WAC: variants seen among roughly 807,000 people sequenced by gnomAD.
WAC encodes the protein WW domain containing adaptor with coiled-coil.
WAC carries 11 observed loss-of-function variants against 79.6 expected under a neutral mutation model. The ratio of observed to expected loss-of-function variants is 0.14; its 90% CI spans 0.09 to 0.23. WAC has a LOEUF of 0.23. WAC is among the 10% of genes least tolerant of loss of function. The pLI is 1.00. For synonymous variants in WAC, 304 were observed against 276.9 expected, an observed-to-expected ratio of 1.10 and a Z score of -0.97; for missense variants, 728 against 773.5, an observed-to-expected ratio of 0.94 and a Z score of 0.70.
At chr10:28,540,215 A>G (rs951281853) in intron 3 of WAC, among the ~76,000 whole-genome samples, 3 of 152,220 alleles carry the variant, frequency 2.0e-5, no homozygotes, top group Non-Finnish European at 4.4e-5. Context: ...AACAGATAGT[A>G]TCCTTATTTC....
chr10:28,533,858 G>A, intron 1 of WAC, 140 bp from the exon 2 acceptor site: 2 of 1,144,128 alleles, frequency 1.7e-6, no homozygotes, highest in South Asian at 1.4e-5. Flanking sequence ...CCGGGTTTGT[G>A]CCGTGTGCGT....
At chr10:28,575,063 A>G (rs999193544) in intron 3 of WAC, among the ~76,000 whole-genome samples, 9 of 152,168 alleles carry the variant, frequency 5.9e-5, no homozygotes, top group Admixed American at 4.6e-4. Flanking sequence ...TATTATTAGT[A>G]TTTTGTATAT....
intron 8 of WAC, among the ~76,000 whole-genome samples, chr10:28,610,311 A>G (rs984890328): frequency 6.6e-6 from 1 of 152,096 alleles, no homozygotes; most frequent in African/African-American, 2.4e-5. Context: ...TAAAAGGGCA[A>G]TCACATGAAA....
chr10:28,583,311 AAAT>A, intron 3 of WAC, 85 bp from the exon 4 acceptor site: 4 of 954,244 alleles, frequency 4.2e-6, no homozygotes, highest in Non-Finnish European at 6.1e-6. Flanking sequence ...TAGAGATATA[AAAT>A]AATATCTAGT....
chr10:28,535,971 G>A, intron 3 of WAC: 1 of 386,676 alleles, frequency 2.6e-6, no homozygotes, highest in Non-Finnish European at 4.5e-6. Flanking sequence ...GGCCAGGCGC[G>A]GTGGCTCACG....
chr10:28,594,030 C>T (rs1352754723), intron 6 of WAC, among the ~76,000 whole-genome samples: 2 of 152,156 alleles, frequency 1.3e-5, no homozygotes, highest in African/African-American at 4.8e-5. Context: ...CCTCCCCTCT[C>T]TCCAGTCAGG....
At chr10:28,552,133 A>G (rs552254724) in intron 3 of WAC, among the ~76,000 whole-genome samples, 32 of 152,254 alleles carry the variant, frequency 2.1e-4, no homozygotes, top group Admixed American at 1.9e-3. Flanking sequence ...GTGTATTGTA[A>G]TAATGTTTAC....
At chr10:28,559,496 A>G (rs572821130) in intron 3 of WAC, among the ~76,000 whole-genome samples, 1 of 152,288 alleles carries the variant, frequency 6.6e-6, no homozygotes, top group South Asian at 2.1e-4. Context: ...CAAAATTAAT[A>G]TAGAGATTTC....
chr10:28,547,735 A>C (rs2132398194), intron 3 of WAC, among the ~76,000 whole-genome samples: 2 of 152,044 alleles, frequency 1.3e-5, no homozygotes, highest in South Asian at 4.1e-4. Flanking sequence ...ATAGATACCC[A>C]TTGGGATGTA....
intron 7 of WAC, among the ~76,000 whole-genome samples, chr10:28,605,928 T>A (rs539265553): frequency 3.3e-5 from 5 of 152,208 alleles, no homozygotes; most frequent in Non-Finnish European, 7.3e-5. Context: ...TCATTATTAA[T>A]ATTAATCAGG....
In WAC at chr10:28,617,683, T is replaced by C; in HGVS notation, c.1773T>C (p.His591=). 1 of 1,586,644 alleles carries C rather than the reference T, an allele frequency of 6.3e-7. No individual in the cohort carries two copies. Among genetic ancestry groups the C allele is most frequent in the Admixed American group, 1.9e-5 (1 of 53,646 alleles). The change falls in exon 13 of 14, where the codon CAT becomes CAC. Residue 591 remains histidine (H), a synonymous_variant. Coordinates refer to ENST00000354911, the MANE Select transcript of WAC (RefSeq NM_016628.5). The part of the protein sequence containing the change: ...KQASRLREEA[H]NMGTIHMSEI... ...CATCAAGATTACGCGAAGAAGCGCA[T>C]AACATGGGAACTATTCACATGTCCG...
At chr10:28,603,979 ATATATATATGTATATATATATAT>A (rs1840792349) in intron 7 of WAC, among the ~76,000 whole-genome samples, 1 of 66,726 alleles carries the variant, frequency 1.5e-5, no homozygotes, top group African/African-American at 6.5e-5. Flanking sequence ...ATATATATAT[ATATATATATGTATATATATATAT>A]ATTTCTATAC....
intron 2 of WAC, chr10:28,534,314 G>T: frequency 2.6e-6 from 1 of 385,148 alleles, no homozygotes; most frequent in Non-Finnish European, 4.6e-6. Context: ...TTGATTATTT[G>T]CGAGTGAAGG....
chr10:28,554,859 A>G (rs771905616), intron 3 of WAC, among the ~76,000 whole-genome samples: 15 of 152,130 alleles, frequency 9.9e-5, no homozygotes, highest in Non-Finnish European at 1.8e-4. Flanking sequence ...TCTTTCTAGA[A>G]TACTCTCTTT....
In WAC at chr10:28,620,485, CAG is replaced by C. The variant is rs760270783; in HGVS notation, c.*882_*883del. On this transcript the variant is annotated 3_prime_UTR_variant, in exon 14 of 14. Coordinates refer to ENST00000354911, the MANE Select transcript of WAC (RefSeq NM_016628.5). ...TGGTTGTGGGAGGGGAAAGAGGAAA[CAG>C]AGCTAGTCAGATGTGAATTGTATCT... 5.9e-5 allele frequency: 9 copies of C among 152,564 alleles called. No individual in the cohort carries two copies. Among genetic ancestry groups the C allele is most frequent in the Non-Finnish European group, 8.8e-5 (6 of 68,030 alleles). The allele number at this position is 152,564 out of a possible 1,614,324, so 9.5% of individuals were successfully genotyped here. A position where few individuals can be genotyped will look rare whatever the true frequency, so the allele number is the denominator to read the frequency against.
At chr10:28,591,055 G>T (rs1450997985) in intron 6 of WAC, 5 of 444,022 alleles carry the variant, frequency 1.1e-5, no homozygotes, top group South Asian at 1.0e-4. Flanking sequence ...ACACATTATG[G>T]CTATAATGGA....
intron 7 of WAC, among the ~76,000 whole-genome samples, chr10:28,606,369 G>A (rs910284366): frequency 2.0e-5 from 3 of 152,164 alleles, no homozygotes; most frequent in Admixed American, 6.5e-5. Context: ...AACATTTATC[G>A]TTTTATTTGA....
intron 3 of WAC, among the ~76,000 whole-genome samples, chr10:28,558,212 A>T (rs1224585568): frequency 6.6e-6 from 1 of 151,976 alleles, no homozygotes; most frequent in African/African-American, 2.4e-5. Context: ...TTGTGAAATT[A>T]TTTTTCTCCT....
chr10:28,595,883 T>A lies in WAC; in HGVS notation c.761T>A (p.Val254Asp). ...TPVQHPIKPV[V>D]HPTATPSTVP... ...GTACAGCACCCCATCAAACCAGTGG[T>A]TCATCCAACTGCTACCCCAAGCACT... The change falls in exon 7 of 14, where the codon GTT becomes GAT. Residue 254 changes from valine (V) to aspartate (D), a missense_variant. This residue lies in a region of WAC where 648 missense variants were observed against 661.5 expected (regional missense o/e 0.98). Coordinates refer to ENST00000354911, the MANE Select transcript of WAC (RefSeq NM_016628.5). 6.2e-7 allele frequency: 1 copy of A among 1,614,124 alleles called. No homozygotes were observed. Among genetic ancestry groups the A allele is most frequent in the South Asian group, 1.1e-5 (1 of 91,082 alleles).
Sources: allele counts gnomAD v4.1 joint callset (sites outside exome capture counted in the v4.1 genomes callset), GRCh38; gene constraint gnomAD v4.1.1; regional missense constraint gnomAD v4.1.1; transcripts MANE v1.5; gene names NCBI Gene and HGNC (gene_info 2026-07-23, HGNC 2026-07-21).